COLEC10: variants seen among roughly 807,000 people sequenced by gnomAD.
COLEC10 encodes collectin-10.
COLEC10 carries 22 observed loss-of-function variants against 28.4 expected under a neutral mutation model. The ratio of observed to expected loss-of-function variants is 0.78; its 90% CI spans 0.55 to 1.11. The LOEUF is 1.11. Among genes scored for constraint, COLEC10 ranks in the 50% least tolerant of loss-of-function variants. The pLI, the probability that COLEC10 is intolerant of heterozygous loss-of-function variation, is 0.00. For missense variants in COLEC10, 361 were observed against 344.1 expected, an observed-to-expected ratio of 1.05 and a Z score of -0.39; for synonymous variants, 125 against 116.1, an observed-to-expected ratio of 1.08 and a Z score of -0.49.
the COLEC10 span, among the ~76,000 whole-genome samples, chr8:118,954,274 C>T: frequency 2.0e-5 from 3 of 152,170 alleles, no homozygotes; most frequent in Non-Finnish European, 2.9e-5. Flanking sequence ...CATCTCAGGG[C>T]CTAACTGTGG....
chr8:119,044,909 C>T (rs1814561519), intron 2 of COLEC10, among the ~76,000 whole-genome samples: 1 of 151,292 alleles, frequency 6.6e-6, no homozygotes, highest in Admixed American at 6.6e-5. Context: ...CAAAGTGTGT[C>T]TTAAGGCGAG....
At chr8:119,074,378 AT>A (rs1419654768) in intron 1 of COLEC10, among the ~76,000 whole-genome samples, 1 of 152,124 alleles carries the variant, frequency 6.6e-6, no homozygotes, top group Non-Finnish European at 1.5e-5. Flanking sequence ...CTGTACCAAA[AT>A]ATCTCATGCA....
chr8:118,980,439 G>A, the COLEC10 span, among the ~76,000 whole-genome samples: 5 of 151,708 alleles, frequency 3.3e-5, no homozygotes, highest in South Asian at 4.2e-4. Flanking sequence ...GTGATCTGCC[G>A]GTCTCTTCCT....
chr8:118,964,841 A>T, the COLEC10 span, among the ~76,000 whole-genome samples: 1 of 152,164 alleles, frequency 6.6e-6, no homozygotes, highest in South Asian at 2.1e-4. Context: ...CATCGACCAG[A>T]TACTGTTCCG....
intron 1 of COLEC10, among the ~76,000 whole-genome samples, chr8:119,081,931 T>G (rs540793118): frequency 3.9e-5 from 6 of 152,270 alleles, no homozygotes; most frequent in Non-Finnish European, 8.8e-5. Flanking sequence ...CAAGAACAAT[T>G]TATTGAACAG....
At chr8:119,029,095 C>T (rs754379034) in intron 2 of COLEC10, among the ~76,000 whole-genome samples, 2 of 152,074 alleles carry the variant, frequency 1.3e-5, no homozygotes, top group Non-Finnish European at 2.9e-5. Flanking sequence ...ACAGGGGCAC[C>T]TCACTAGCTG....
chr8:119,042,020 C>T (rs528411325), intron 2 of COLEC10, among the ~76,000 whole-genome samples: 7 of 151,688 alleles, frequency 4.6e-5, no homozygotes, highest in Admixed American at 1.3e-4. Context: ...TTTTTCGAGA[C>T]GGAGTCTTTC....
intron 1 of COLEC10, among the ~76,000 whole-genome samples, chr8:118,998,140 C>T (rs559412255): frequency 2.7e-5 from 4 of 150,304 alleles, no homozygotes; most frequent in Non-Finnish European, 5.9e-5. Context: ...TCTGCTAACT[C>T]GCAAGGTTGA....
chr8:118,999,973 A>G (rs1813662600), intron 1 of COLEC10, among the ~76,000 whole-genome samples: 1 of 152,152 alleles, frequency 6.6e-6, no homozygotes, highest in East Asian at 1.9e-4. Context: ...TTTTTAAATG[A>G]TAGGTGATAT....
the COLEC10 span, among the ~76,000 whole-genome samples, chr8:118,970,071 A>C: frequency 6.6e-6 from 1 of 152,186 alleles, no homozygotes; most frequent in African/African-American, 2.4e-5. Context: ...TTATGGATAG[A>C]ATCATTTTGT....
At chr8:118,971,473 A>G in the COLEC10 span, among the ~76,000 whole-genome samples, 1 of 151,944 alleles carries the variant, frequency 6.6e-6, no homozygotes, top group Non-Finnish European at 1.5e-5. Flanking sequence ...AATCTTCCTC[A>G]ATATAGCCTA....
the COLEC10 span, among the ~76,000 whole-genome samples, chr8:118,959,462 C>T: frequency 1.3e-5 from 2 of 152,060 alleles, no homozygotes; most frequent in African/African-American, 4.8e-5. Context: ...TAATAGTATC[C>T]ACCTCCTAGG....
chr8:119,031,284 G>A (rs1029851284), intron 2 of COLEC10, among the ~76,000 whole-genome samples: 1 of 152,182 alleles, frequency 6.6e-6, no homozygotes, highest in Admixed American at 6.5e-5. Flanking sequence ...GTATTGGGTA[G>A]ACATGGAGTT....
At chr8:118,978,542 C>T in the COLEC10 span, among the ~76,000 whole-genome samples, 1 of 129,450 alleles carries the variant, frequency 7.7e-6, no homozygotes, top group Non-Finnish European at 1.6e-5. Context: ...AAACCTCTTC[C>T]AAGATAACTA....
At chr8:119,073,981 C>CGTATATATATACACACATATATATACGT in intron 1 of COLEC10, among the ~76,000 whole-genome samples, 1 of 150,474 alleles carries the variant, frequency 6.6e-6, no homozygotes, top group South Asian at 2.1e-4. Flanking sequence ...TATATATACA[C>CGTATATATATACACACATATATATACGT]GTATATATAT....
chr8:119,035,400 C>T (rs2130138611), intron 2 of COLEC10, among the ~76,000 whole-genome samples: 1 of 152,212 alleles, frequency 6.6e-6, no homozygotes, highest in South Asian at 2.1e-4. Flanking sequence ...ATACTTTGCC[C>T]AAAAATGGCT....
rs1407147714 is a variant in COLEC10, at chr8:118,995,998, TC to T, written n.122+426del. On this transcript the variant is annotated intron_variant and non_coding_transcript_variant, in intron 1 of 6. Coordinates refer to the COLEC10 transcript ENST00000521788. ...ACAGACAGTTTCTAGAACTTATTCA[TC>T]TTGCATAGTTGAAACTTTGCACCTG... 2.0e-5 allele frequency among the ~76,000 whole-genome samples: 3 copies of T among 152,300 alleles called. No homozygotes were observed. In the East Asian group the frequency reaches 5.8e-4, roughly 29 times the overall value.
intron 2 of COLEC10, among the ~76,000 whole-genome samples, chr8:119,061,863 T>C (rs1434889631): frequency 6.6e-6 from 1 of 152,124 alleles, no homozygotes; most frequent in Non-Finnish European, 1.5e-5. Flanking sequence ...AGCCTTCCAA[T>C]CTTAATGGAG....
rs568578631 is a variant in COLEC10 at position 119,031,110 on chromosome 8, T to C, written n.235+21557T>C. On this transcript the variant is annotated intron_variant and non_coding_transcript_variant, in intron 2 of 6. Coordinates refer to the COLEC10 transcript ENST00000521788. ...TTGTACAAATGCTGTTTTATGGTTA[T>C]AAAAACCTATCCTTCCTCTAAGGGT... Among the ~76,000 whole-genome samples, 3 of 152,372 alleles carry C rather than the reference T, an allele frequency of 2.0e-5. No homozygotes were observed. In the East Asian group the frequency reaches 5.8e-4, roughly 29 times the overall value.
Sources: gnomAD v4.1 joint callset for allele counts (sites outside exome capture counted in the v4.1 genomes callset) on GRCh38, gnomAD v4.1.1 for gene constraint, MANE v1.5 for transcripts, NCBI Gene and HGNC (gene_info 2026-07-23, HGNC 2026-07-21) for gene names.